TAF3: variants seen among roughly 807,000 people sequenced by gnomAD.
TAF3 encodes TATA-box binding protein associated factor 3.
Under a neutral mutation model 80.6 loss-of-function variants are expected in TAF3, and 7 were observed. The observed-to-expected ratio is 0.09, with a 90% confidence interval of 0.05 to 0.16. TAF3 has a LOEUF of 0.16. Among genes scored for constraint, TAF3 ranks in the 10% least tolerant of loss-of-function variants. The pLI is 1.00. For synonymous variants in TAF3, 444 were observed against 446.1 expected (o/e 1.00, Z 0.06); for missense variants, 921 against 1,140.2 (o/e 0.81, Z 2.77).
intron 2 of TAF3, among the ~76,000 whole-genome samples, chr10:7,949,951 C>T (rs894199399): frequency 6.6e-6 from 1 of 151,962 alleles, no homozygotes; most frequent in Non-Finnish European, 1.5e-5. Flanking sequence ...AAAAGATGGC[C>T]CAATTTCAGA....
At chr10:7,950,072 A>G (rs1838066988) in intron 2 of TAF3, among the ~76,000 whole-genome samples, 1 of 152,238 alleles carries the variant, frequency 6.6e-6, no homozygotes, top group Non-Finnish European at 1.5e-5. Flanking sequence ...ACTTATTATT[A>G]GCCTGTAATG....
At chr10:7,919,238 T>C (rs1193444195) in intron 2 of TAF3, among the ~76,000 whole-genome samples, 1 of 152,184 alleles carries the variant, frequency 6.6e-6, no homozygotes, top group East Asian at 1.9e-4. Context: ...TGATTATCGG[T>C]CTTGATTATC....
chr10:7,831,668 G>C (rs1043132898), intron 2 of TAF3, among the ~76,000 whole-genome samples: 15 of 152,010 alleles, frequency 9.9e-5, no homozygotes, highest in Non-Finnish European at 1.6e-4. Flanking sequence ...TACCCATATT[G>C]TAGCTTTAAT....
chr10:7,854,023 G>A (rs1217346476), intron 2 of TAF3, among the ~76,000 whole-genome samples: 1 of 152,130 alleles, frequency 6.6e-6, no homozygotes, highest in East Asian at 1.9e-4. Context: ...AAACTTAGAA[G>A]AAACACACAC....
At position 7,899,100 on chromosome 10, in the gene TAF3, A is replaced by G. The variant is rs1837534983; in HGVS notation, c.410-64820A>G. On this transcript the variant is annotated intron_variant, in intron 2 of 6. Coordinates refer to ENST00000344293, the MANE Select transcript of TAF3 (RefSeq NM_031923.4). ...CGGCTGCTAGCATTTTTAAGAGAGCATTTAAGAGACTGGCATTAGAAGGTT... is the reference window on the plus strand; with the variant it reads ...CGGCTGCTAGCATTTTTAAGAGAGCGTTTAAGAGACTGGCATTAGAAGGTT... Among the ~76,000 whole-genome samples the G allele has an allele frequency of 3.9e-5, 6 of 152,322 alleles. No homozygotes were observed. The South Asian group carries it at 1.2e-3, about 32-fold the overall frequency.
At chr10:7,846,576 A>G (rs926182317) in intron 2 of TAF3, among the ~76,000 whole-genome samples, 1 of 151,986 alleles carries the variant, frequency 6.6e-6, no homozygotes, top group Admixed American at 6.6e-5. Context: ...AGTTGAAAAG[A>G]TTGGCATTTC....
chr10:8,004,933 C>T (rs1220075019), intron 4 of TAF3, among the ~76,000 whole-genome samples: 1 of 152,120 alleles, frequency 6.6e-6, no homozygotes, highest in Non-Finnish European at 1.5e-5. Flanking sequence ...TTATTGTATT[C>T]TCTTTGCTTC....
chr10:7,982,741 GGA>G (rs1357946485), intron 4 of TAF3, among the ~76,000 whole-genome samples: 8 of 152,154 alleles, frequency 5.3e-5, no homozygotes, highest in Admixed American at 3.3e-4. Context: ...CACTTTCTCA[GGA>G]GAGAGTTTTT....
At chr10:7,998,228 A>G (rs1341018712) in intron 4 of TAF3, among the ~76,000 whole-genome samples, 1 of 138,884 alleles carries the variant, frequency 7.2e-6, no homozygotes, top group African/African-American at 2.7e-5. Context: ...TACTCAGAAA[A>G]TCTGAGTGAG....
chr10:7,997,427 C>T (rs1831900294), intron 4 of TAF3, among the ~76,000 whole-genome samples: 1 of 152,248 alleles, frequency 6.6e-6, no homozygotes. Context: ...GTGTTTGCTG[C>T]TAACCCTGGA....
chr10:7,916,042 C>G (rs1391361328), intron 2 of TAF3, among the ~76,000 whole-genome samples: 1 of 151,610 alleles, frequency 6.6e-6, no homozygotes, highest in Non-Finnish European at 1.5e-5. Context: ...TCTAAACAGT[C>G]TGTTGTATTT....
At chr10:8,010,117 G>C (rs1832040264) in intron 5 of TAF3, among the ~76,000 whole-genome samples, 2 of 152,234 alleles carry the variant, frequency 1.3e-5, no homozygotes, top group South Asian at 4.1e-4. Flanking sequence ...ATGTTGCCCA[G>C]GCTGGTCTTG....
At chr10:7,904,739 A>G (rs1289799730) in intron 2 of TAF3, among the ~76,000 whole-genome samples, 4 of 152,162 alleles carry the variant, frequency 2.6e-5, no homozygotes, top group Non-Finnish European at 5.9e-5. Flanking sequence ...CATGATATTT[A>G]GTAGAAATTT....
chr10:7,877,101 T>G (rs1837319326), intron 2 of TAF3, among the ~76,000 whole-genome samples: 1 of 152,100 alleles, frequency 6.6e-6, no homozygotes, highest in Non-Finnish European at 1.5e-5. Context: ...CTTTCTTGGA[T>G]TTTTAAAATA....
At chr10:7,865,358 A>C (rs1013358526) in intron 2 of TAF3, among the ~76,000 whole-genome samples, 2 of 152,268 alleles carry the variant, frequency 1.3e-5, no homozygotes, top group Admixed American at 6.5e-5. Context: ...GGGCGCCTGT[A>C]GTCCCAGCTA....
intron 2 of TAF3, among the ~76,000 whole-genome samples, chr10:7,936,150 C>T (rs565121585): frequency 8.5e-5 from 13 of 152,268 alleles, no homozygotes; most frequent in Middle Eastern, 3.4e-3. Context: ...ACAAGGAAGA[C>T]GGGCCCTGAA....
At chr10:7,898,851 G>A (rs1029655027) in intron 2 of TAF3, among the ~76,000 whole-genome samples, 5 of 151,846 alleles carry the variant, frequency 3.3e-5, no homozygotes, top group African/African-American at 1.2e-4. Context: ...GATCTCAAAT[G>A]TTGTGGATTG....
intron 2 of TAF3, among the ~76,000 whole-genome samples, chr10:7,856,720 A>C (rs1364279096): frequency 6.6e-6 from 1 of 152,134 alleles, no homozygotes; most frequent in Non-Finnish European, 1.5e-5. Flanking sequence ...GAAAATCTGC[A>C]AAGTGACTTG....
intron 2 of TAF3, among the ~76,000 whole-genome samples, chr10:7,883,563 A>G (rs534680806): frequency 6.6e-6 from 1 of 152,220 alleles, no homozygotes; most frequent in Non-Finnish European, 1.5e-5. Context: ...TCTGTTTCTC[A>G]TCAAACTTTT....
Sources: allele counts gnomAD v4.1 joint callset (sites outside exome capture counted in the v4.1 genomes callset), GRCh38; gene constraint gnomAD v4.1.1; transcripts MANE v1.5; gene names NCBI Gene and HGNC (gene_info 2026-07-23, HGNC 2026-07-21).